CAMKMT: variants seen among roughly 807,000 people sequenced by gnomAD.
CAMKMT encodes calmodulin-lysine N-methyltransferase.
CAMKMT carries 53 observed loss-of-function variants against 48.0 expected under a neutral mutation model. The observed-to-expected ratio is 1.10, with a 90% CI of 0.89 to 1.39. The LOEUF is 1.39. Ranked by LOEUF, CAMKMT falls within the 40% of genes most tolerant of loss-of-function variation. The probability of loss-of-function intolerance (pLI) is 0.00; values close to 1 mark genes in which losing one functional copy is unlikely to be tolerated. For synonymous variants in CAMKMT, 165 were observed against 152.3 expected, an observed-to-expected ratio of 1.08 and a Z score of -0.61; for missense variants, 428 against 402.7, an observed-to-expected ratio of 1.06 and a Z score of -0.54.
intron 3 of CAMKMT, among the ~76,000 whole-genome samples, chr2:44,540,617 G>A (rs752450375): frequency 1.3e-5 from 2 of 152,080 alleles, no homozygotes; most frequent in African/African-American, 2.4e-5. Context: ...CGGACATGGT[G>A]GTACATGCCT....
At chr2:44,494,205 C>T (rs1000696562) in intron 3 of CAMKMT, among the ~76,000 whole-genome samples, 2 of 152,132 alleles carry the variant, frequency 1.3e-5, no homozygotes, top group African/African-American at 4.8e-5. Flanking sequence ...AAAACAACTC[C>T]CTTAGGGTTT....
chr2:44,743,833 AT>A (rs1365218415), intron 8 of CAMKMT, 137 bp downstream of exon 8: 1 of 594,668 alleles, frequency 1.7e-6, no homozygotes, highest in Non-Finnish European at 3.0e-6. Flanking sequence ...ACAAATTAAT[AT>A]TCATCTCCAT....
At chr2:44,491,220 A>T (rs193043996) in intron 3 of CAMKMT, among the ~76,000 whole-genome samples, 73 of 151,536 alleles carry the variant, frequency 4.8e-4, no homozygotes, top group Middle Eastern at 3.4e-3. Flanking sequence ...AGCTATTTCT[A>T]TGTTTTTGAG....
At chr2:44,418,368 G>GT (rs2104502220) in intron 3 of CAMKMT, among the ~76,000 whole-genome samples, 1 of 151,336 alleles carries the variant, frequency 6.6e-6, no homozygotes, top group Admixed American at 6.6e-5. Context: ...TATATTTTTA[G>GT]TCTATGGTCC....
At chr2:44,698,153 G>A (rs1034244847) in intron 3 of CAMKMT, among the ~76,000 whole-genome samples, 9 of 152,150 alleles carry the variant, frequency 5.9e-5, no homozygotes, top group Non-Finnish European at 7.4e-5. Context: ...TCCAGTGGTA[G>A]TTAGTGTATT....
In CAMKMT at chr2:44,368,004, G is replaced by C. The variant is rs149450539; in HGVS notation, c.139-4712G>C. On this transcript the variant is annotated intron_variant, in intron 1 of 10. Transcript: ENST00000378494. ...AACAAACATTTCAGGTTAATAAATG[G>C]GTCTTTGACTTCCATTGTGTTCAGT... Among the ~76,000 whole-genome samples, 10 of 152,214 alleles carry C rather than the reference G, an allele frequency of 6.6e-5. No homozygotes were observed. The East Asian group carries it at 1.7e-3, about 26-fold the overall frequency.
Position 44,372,848 on chromosome 2 carries a change from T to A in CAMKMT, c.271T>A (p.Tyr91Asn). 6.2e-7 allele frequency: 1 copy of A among 1,613,956 alleles called. No individual in the cohort carries two copies. ...AGAGGAGGTTGGTGCATGGGTCCAATATACAAGCATCTTCTGTCCTGAATA... is the reference window on the plus strand; with the variant it reads ...AGAGGAGGTTGGTGCATGGGTCCAAAATACAAGCATCTTCTGTCCTGAATA... ...TEEEVGAWVQ[Y>N]TSIFCPEYSI... Residue 91 changes from tyrosine (Y) to asparagine (N), a missense_variant, in exon 2 of 11, where the codon TAT becomes AAT. Physicochemically the swap from Tyr to Asn is moderately radical, Grantham distance 143. Transcript: ENST00000378494.
chr2:44,504,505 A>G (rs1293158769), intron 3 of CAMKMT, among the ~76,000 whole-genome samples: 1 of 152,192 alleles, frequency 6.6e-6, no homozygotes. Context: ...CAACCATTTA[A>G]TGGATGCCTA....
At chr2:44,545,717 A>G (rs72881148) in intron 3 of CAMKMT, among the ~76,000 whole-genome samples, 10,953 of 149,600 alleles carry the variant, frequency 0.073, 445 homozygotes, top group African/African-American at 0.089. Context: ...CAAGATGAAG[A>G]TACCGGAGGG....
intron 3 of CAMKMT, among the ~76,000 whole-genome samples, chr2:44,540,155 TATACATATATATATATGTAC>T (rs953058083): frequency 1.2e-4 from 9 of 74,004 alleles, no homozygotes; most frequent in Non-Finnish European, 3.0e-4. Flanking sequence ...TATATATGTA[TATACATATATATATATGTAC>T]ATATGTTTTA....
chr2:44,456,427 G>T, intron 3 of CAMKMT: 1 of 1,027,676 alleles, frequency 9.7e-7, no homozygotes, highest in Non-Finnish European at 1.4e-6. Context: ...AGGTCTTTTA[G>T]CCCTCTTACC....
chr2:44,492,950 A>G (rs575713173), intron 3 of CAMKMT, among the ~76,000 whole-genome samples: 7 of 150,788 alleles, frequency 4.6e-5, no homozygotes, highest in East Asian at 2.0e-4. Flanking sequence ...CTAGAGTGCA[A>G]TGGCATGATC....
intron 3 of CAMKMT, among the ~76,000 whole-genome samples, chr2:44,413,470 A>C (rs868298941): frequency 1.7e-4 from 26 of 151,924 alleles, no homozygotes; most frequent in African/African-American, 5.1e-4. Flanking sequence ...TGGACAACGT[A>C]GTGAAACCCC....
intron 3 of CAMKMT, among the ~76,000 whole-genome samples, chr2:44,659,650 C>G (rs1674576533): frequency 6.6e-6 from 1 of 151,320 alleles, no homozygotes; most frequent in Non-Finnish European, 1.5e-5. Context: ...CTTTATGGTA[C>G]TTTATAGTAT....
chr2:44,580,747 AC>A (rs1390159550), intron 3 of CAMKMT, among the ~76,000 whole-genome samples: 1 of 152,198 alleles, frequency 6.6e-6, no homozygotes, highest in Non-Finnish European at 1.5e-5. Flanking sequence ...GAATGTTGTT[AC>A]AATAGAAACA....
intron 3 of CAMKMT, among the ~76,000 whole-genome samples, chr2:44,466,497 A>G (rs1415063669): frequency 1.3e-5 from 2 of 152,168 alleles, no homozygotes. Context: ...TACACAACAT[A>G]TTAAAACTTA....
At chr2:44,711,105 C>G (rs974614496) in intron 6 of CAMKMT, among the ~76,000 whole-genome samples, 3 of 152,144 alleles carry the variant, frequency 2.0e-5, no homozygotes, top group Non-Finnish European at 4.4e-5. Context: ...GGCTGTGCAG[C>G]CTGTACCATA....
intron 3 of CAMKMT, among the ~76,000 whole-genome samples, chr2:44,431,169 T>C (rs886967782): frequency 6.6e-6 from 1 of 152,202 alleles, no homozygotes; most frequent in Admixed American, 6.5e-5. Flanking sequence ...AGTAAGTATA[T>C]ATATTTTTTC....
chr2:44,625,803 TGA>T (rs1055902036), intron 3 of CAMKMT, among the ~76,000 whole-genome samples: 28 of 152,184 alleles, frequency 1.8e-4, no homozygotes, highest in African/African-American at 6.5e-4. Context: ...TACATATTGT[TGA>T]AAATTAATTG....
Sources: allele counts gnomAD v4.1 joint callset (sites outside exome capture counted in the v4.1 genomes callset), GRCh38; gene constraint gnomAD v4.1.1; transcripts MANE v1.5; gene names NCBI Gene and HGNC (gene_info 2026-07-23, HGNC 2026-07-21).